LRRC47: variants seen among roughly 807,000 people sequenced by gnomAD.
LRRC47 encodes the protein leucine-rich repeat-containing protein 47.
LRRC47 carries 31 observed loss-of-function variants against 40.9 expected under a neutral mutation model. The ratio of observed to expected loss-of-function variants is 0.76; its 90% confidence interval spans 0.57 to 1.02. The LOEUF (loss-of-function observed/expected upper bound fraction) is 1.02, where lower values mean the gene tolerates loss of function less well. Ranked by LOEUF, LRRC47 falls within the 50% of genes least tolerant of loss-of-function variation. The pLI, the probability that LRRC47 is intolerant of heterozygous loss-of-function variation, is 0.00. For synonymous variants in LRRC47, 427 were observed against 371.9 expected (o/e 1.15, Z -1.70); for missense variants, 726 against 796.1 (o/e 0.91, Z 1.06).
intron 1 of LRRC47, among the ~76,000 whole-genome samples, chr1:3,790,683 A>C (rs1643619116): frequency 6.6e-6 from 1 of 152,262 alleles, no homozygotes. Context: ...GCTCCCACGC[A>C]GGCAGAGCTA....
intron 1 of LRRC47, among the ~76,000 whole-genome samples, chr1:3,793,272 C>G (rs1351227433): frequency 2.6e-5 from 4 of 152,046 alleles, no homozygotes; most frequent in Non-Finnish European, 5.9e-5. Context: ...CCACCATGCC[C>G]AGCTAGAGAT....
At position 3,779,353 on chromosome 1, in the gene LRRC47, T is replaced by C. The variant is rs1428263452; in HGVS notation, c.*1735A>G. 1 of 152,204 alleles carries C rather than the reference T, an allele frequency of 6.6e-6. No homozygotes were observed. The highest frequency in any genetic ancestry group is 2.4e-5 in the African/African-American group (1 of 41,438). 9.4% of individuals were successfully genotyped at this position (152,204 alleles called of 1,614,324 possible). A position where few individuals can be genotyped will look rare whatever the true frequency, so the allele number is the denominator to read the frequency against. On this transcript the variant is annotated 3_prime_UTR_variant, in exon 7 of 7. Transcript: ENST00000378251. ...TCTACAGACACAGAAATCGAGACAC[T>C]GAACAGAGAACAAATGGTGTCATTC...
In LRRC47 at chr1:3,780,990, C is replaced by CA. The variant is rs1557639629; in HGVS notation, c.*97dup. 4.6e-6 allele frequency: 7 copies of CA among 1,515,866 alleles called. No individual in the cohort carries two copies. The highest frequency in any genetic ancestry group is 2.8e-5 in the African/African-American group (2 of 71,102). The allele number at this position is 1,515,866 out of a possible 1,614,324, so 93.9% of individuals were successfully genotyped here. ...ACTCCATCTCAAAAAAAAAAACCAA[C>CA]AAAAAAACTGGGGTGAAAATCTAAC... On this transcript the variant is annotated 3_prime_UTR_variant, in exon 7 of 7. Coordinates refer to ENST00000378251, the MANE Select transcript of LRRC47 (RefSeq NM_020710.3).
In LRRC47 at chr1:3,779,695, G is replaced by A. The variant is rs1643500329; in HGVS notation, c.*1393C>T. 1 of 152,190 alleles carries A rather than the reference G, an allele frequency of 6.6e-6. No homozygotes were observed. The allele number at this position is 152,190 out of a possible 1,614,324, so 9.4% of individuals were successfully genotyped here. ...ACCATCTGTCCCTCGGCTGGCTGAGGACTGCCGATGCTTCCCAAGCAGAGG... is the reference window on the plus strand; with the variant it reads ...ACCATCTGTCCCTCGGCTGGCTGAGAACTGCCGATGCTTCCCAAGCAGAGG... On this transcript the variant is annotated 3_prime_UTR_variant, in exon 7 of 7. Coordinates refer to ENST00000378251, the MANE Select transcript of LRRC47 (RefSeq NM_020710.3).
intron 1 of LRRC47, among the ~76,000 whole-genome samples, chr1:3,792,285 G>C (rs908514251): frequency 1.4e-4 from 22 of 152,206 alleles, no homozygotes; most frequent in African/African-American, 5.1e-4. Context: ...CAGGTCTCCT[G>C]ATAGAGAGCC....
In LRRC47 at chr1:3,779,978, A is replaced by G. The variant is rs1410367240; in HGVS notation, c.*1110T>C. On this transcript the variant is annotated 3_prime_UTR_variant, in exon 7 of 7. Transcript: ENST00000378251. ...CATTAAAACTTTTCCCCCCAAGATT[A>G]TGATCACTGCCAGCTGGAGAACCCA... The G allele has an allele frequency of 6.6e-6, 1 of 152,176 alleles. No homozygotes were observed. The highest frequency in any genetic ancestry group is 2.4e-5 in the African/African-American group (1 of 41,424). The allele number at this position is 152,176 out of a possible 1,614,324, so 9.4% of individuals were successfully genotyped here.
In LRRC47 at chr1:3,786,875, C is replaced by T; in HGVS notation, c.1051G>A (p.Ala351Thr). 1.2e-6 allele frequency: 2 copies of T among 1,601,284 alleles called. No individual in the cohort carries two copies. Among genetic ancestry groups the T allele is most frequent in the Non-Finnish European group, 1.7e-6 (2 of 1,173,710 alleles). ...VRGMDLQPGN[A>T]LKRFLTSQTK... ...TGCGAGGTGAGGAAGCGCTTGAGTG[C>T]ATTCCCTGGCTGCAGGTCCATGCCT... Residue 351 changes from alanine (A) to threonine (T), a missense_variant, in exon 2 of 7, where the codon GCA becomes ACA. Transcript: ENST00000378251.
chr1:3,784,991 T>TC, intron 3 of LRRC47, 96 bp downstream of exon 3: 1 of 813,774 alleles, frequency 1.2e-6, no homozygotes, highest in Non-Finnish European at 1.8e-6. Flanking sequence ...GAACTCCATC[T>TC]CCAAAAAAAA....
In LRRC47 at chr1:3,780,206, T is replaced by C. The variant is rs3737594; in HGVS notation, c.*882A>G. 0.12 allele frequency: 18,600 copies of C among 152,192 alleles called. 1,193 individuals are homozygous for C. Among genetic ancestry groups the C allele is most frequent in the African/African-American group, 0.14 (5,928 of 41,518 alleles). The allele number at this position is 152,192 out of a possible 1,614,324, so 9.4% of individuals were successfully genotyped here. ...GCCGCTGCTGTGTGATCACAGAGTC[T>C]TTACACAAGCCTCGATGGTGCATGT... On this transcript the variant is annotated 3_prime_UTR_variant, in exon 7 of 7. Coordinates refer to ENST00000378251, the MANE Select transcript of LRRC47 (RefSeq NM_020710.3).
chr1:3,789,924 T>C (rs1643611465), intron 1 of LRRC47, among the ~76,000 whole-genome samples: 1 of 152,008 alleles, frequency 6.6e-6, no homozygotes, highest in African/African-American at 2.4e-5. Context: ...TTCACTTGTG[T>C]GAGGGAGCAA....
intron 1 of LRRC47, among the ~76,000 whole-genome samples, chr1:3,790,488 T>C (rs1236018077): frequency 3.9e-5 from 6 of 152,232 alleles, no homozygotes. Flanking sequence ...ACCACACGCC[T>C]GCGTGATGGC....
intron 1 of LRRC47, 41 bp from the exon 2 acceptor site, chr1:3,787,351 G>A (rs1643585894): frequency 2.6e-6 from 4 of 1,553,100 alleles, no homozygotes; most frequent in Middle Eastern, 3.6e-4. Flanking sequence ...CCCGGACTCT[G>A]GGAAGAGAGT....
At chr1:3,792,425 T>C (rs1217801097) in intron 1 of LRRC47, among the ~76,000 whole-genome samples, 4 of 151,834 alleles carry the variant, frequency 2.6e-5, no homozygotes, top group African/African-American at 9.7e-5. Context: ...TAAAGAGGAA[T>C]GCTTTACCAG....
At chr1:3,784,968 C>T in intron 3 of LRRC47, 119 bp downstream of exon 3, 1 of 593,210 alleles carries the variant, frequency 1.7e-6, no homozygotes, top group Non-Finnish European at 2.7e-6. Context: ...GCACTCCAGC[C>T]TGGGCAACAA....
In LRRC47 at chr1:3,784,128, C is replaced by T. The variant is rs1570736052; in HGVS notation, c.1195-17G>A. 1 of 1,588,084 alleles carries T rather than the reference C, an allele frequency of 6.3e-7. No homozygotes were observed. The highest frequency in any genetic ancestry group is 8.6e-7 in the Non-Finnish European group (1 of 1,164,920). On this transcript the variant is annotated splice_polypyrimidine_tract_variant and intron_variant, in intron 3 of 6. Transcript: ENST00000378251. ...GGGGACAATCTATCGGGCAGAAACC[C>T]ACAAACTCCACTAGGGTCACAGCCA...
chr1:3,792,001 G>C (rs1313293193), intron 1 of LRRC47, among the ~76,000 whole-genome samples: 1 of 152,160 alleles, frequency 6.6e-6, no homozygotes, highest in Non-Finnish European at 1.5e-5. Flanking sequence ...TGATCCGCCC[G>C]CCTCAGCCTC....
intron 1 of LRRC47, among the ~76,000 whole-genome samples, chr1:3,793,230 G>GCTTC (rs1430729889): frequency 1.3e-5 from 2 of 151,948 alleles, no homozygotes; most frequent in Non-Finnish European, 2.9e-5. Flanking sequence ...TCCTGCCTTG[G>GCTTC]CTTCCTGAGT....
At chr1:3,788,123 G>C (rs1015720866) in intron 1 of LRRC47, among the ~76,000 whole-genome samples, 3 of 152,374 alleles carry the variant, frequency 2.0e-5, no homozygotes, top group South Asian at 2.1e-4. Context: ...GGCAGCGCAG[G>C]GAACGTGCGT....
chr1:3,785,575 C>T (rs1324449253), intron 2 of LRRC47: 4 of 152,838 alleles, frequency 2.6e-5, no homozygotes, highest in African/African-American at 9.6e-5. Flanking sequence ...CCTCCCCAAG[C>T]TGCAGGCAGG....
Sources: allele counts gnomAD v4.1 joint callset (sites outside exome capture counted in the v4.1 genomes callset), GRCh38; gene constraint gnomAD v4.1.1; transcripts MANE v1.5; gene names NCBI Gene and HGNC (gene_info 2026-07-23, HGNC 2026-07-21).